ARHGAP32: variants seen among roughly 807,000 people sequenced by gnomAD.
ARHGAP32 encodes Rho GTPase activating protein 32.
A neutral mutation model predicts 186.5 loss-of-function variants in ARHGAP32; 51 were observed. That is an observed-to-expected ratio of 0.27 (90% confidence interval 0.22 to 0.35). ARHGAP32 has a LOEUF of 0.35. Ranked by LOEUF, ARHGAP32 falls within the 10% of genes least tolerant of loss-of-function variation. ARHGAP32 has a pLI of 1.00. For missense variants in ARHGAP32, 2,186 were observed against 2,623.5 expected (o/e 0.83, Z 3.64); for synonymous variants, 950 against 964.3 (o/e 0.99, Z 0.27).
At chr11:129,036,376 G>A (rs1448911623) in intron 11 of ARHGAP32, among the ~76,000 whole-genome samples, 39 of 69,356 alleles carry the variant, frequency 5.6e-4, no homozygotes, top group African/African-American at 1.9e-3. Flanking sequence ...GCGAAACTCC[G>A]TCTCAAAAAA....
intron 1 of ARHGAP32, among the ~76,000 whole-genome samples, chr11:129,168,574 T>C (rs1943686250): frequency 6.6e-6 from 1 of 152,252 alleles, no homozygotes. Flanking sequence ...ATCACCGTTG[T>C]AGATTTTAGC....
At chr11:129,119,546 T>G (rs970134516) in intron 5 of ARHGAP32, among the ~76,000 whole-genome samples, 1 of 152,102 alleles carries the variant, frequency 6.6e-6, no homozygotes, top group African/African-American at 2.4e-5. Context: ...ATTAAACAAA[T>G]ATTTATTGAG....
chr11:128,985,425 G>A (rs1945836431), intron 15 of ARHGAP32, among the ~76,000 whole-genome samples: 1 of 151,946 alleles, frequency 6.6e-6, no homozygotes, highest in African/African-American at 2.4e-5. Context: ...TTAATTTCTT[G>A]TCAGTAATTG....
intron 2 of ARHGAP32, among the ~76,000 whole-genome samples, chr11:129,129,117 C>T (rs1448224748): frequency 3.3e-5 from 5 of 151,866 alleles, no homozygotes; most frequent in South Asian, 2.1e-4. Context: ...TGCCCGGCCG[C>T]GACCCCGTCT....
chr11:129,177,781 C>T (rs1458082634), intron 1 of ARHGAP32, among the ~76,000 whole-genome samples: 1 of 152,138 alleles, frequency 6.6e-6, no homozygotes, highest in Non-Finnish European at 1.5e-5. Context: ...ATTGATGGGA[C>T]ATATCTCAAA....
chr11:129,135,938 C>T (rs1374597029), intron 2 of ARHGAP32, among the ~76,000 whole-genome samples: 3 of 152,096 alleles, frequency 2.0e-5, no homozygotes, highest in Non-Finnish European at 4.4e-5. Flanking sequence ...ACGGAAAAAA[C>T]AATTATTCCG....
At position 128,972,817 on chromosome 11, in the gene ARHGAP32, T is replaced by C; in HGVS notation, c.3689A>G (p.Tyr1230Cys). The stretch of plus-strand genomic sequence containing the variant: ...GAGTTTATCCACACTTGCACCAAGA[T>C]AAGAAGGAGGCTGATCTCCACTGTA... ...RFYSGDQPPS[Y>C]LGASVDKLHH... The change falls in exon 22 of 23, where the codon TAT becomes TGT. Residue 1230 changes from tyrosine (Y) to cysteine (C), a missense_variant. Around this residue, in one of 5 missense-constraint regions of ARHGAP32, gnomAD observed 1,502 missense variants for 1,570.0 expected, o/e 0.96. Coordinates refer to ENST00000682385, the MANE Select transcript of ARHGAP32 (RefSeq NM_001378024.1). 1 of 1,613,914 alleles carries C rather than the reference T, an allele frequency of 6.2e-7. No individual in the cohort carries two copies. The highest frequency in any genetic ancestry group is 1.6e-4 in the Middle Eastern group (1 of 6,062).
intron 2 of ARHGAP32, among the ~76,000 whole-genome samples, chr11:129,151,085 A>G (rs1943277250): frequency 6.6e-6 from 1 of 152,076 alleles, no homozygotes; most frequent in Non-Finnish European, 1.5e-5. Context: ...CAATTTTTAT[A>G]CCAGAAAAAA....
At chr11:129,191,863 C>T (rs2439796) in intron 1 of ARHGAP32, among the ~76,000 whole-genome samples, 133,028 of 152,148 alleles carry the variant, frequency 0.87, 58,329 homozygotes, top group African/African-American at 0.92. Context: ...CTCCTCCTGG[C>T]GTTCTAACAA....
chr11:129,137,530 G>A (rs1188628854), intron 2 of ARHGAP32, among the ~76,000 whole-genome samples: 1 of 151,906 alleles, frequency 6.6e-6, no homozygotes, highest in Non-Finnish European at 1.5e-5. Flanking sequence ...TATATTCCTA[G>A]TGGGATATGT....
At chr11:129,231,963 T>C (rs1005180054) in intron 1 of ARHGAP32, among the ~76,000 whole-genome samples, 1 of 132,736 alleles carries the variant, frequency 7.5e-6, no homozygotes, top group African/African-American at 2.8e-5. Flanking sequence ...AGGTTAAGGC[T>C]GCAGTGAAGT....
intron 1 of ARHGAP32, among the ~76,000 whole-genome samples, chr11:129,227,315 T>C (rs552280022): frequency 2.2e-4 from 34 of 151,564 alleles, no homozygotes; most frequent in Non-Finnish European, 4.0e-4. Context: ...CTGGAAAATA[T>C]CTAACAAAAA....
At chr11:129,008,550 C>T (rs758548530) in intron 11 of ARHGAP32, among the ~76,000 whole-genome samples, 1 of 152,152 alleles carries the variant, frequency 6.6e-6, no homozygotes, top group Non-Finnish European at 1.5e-5. Context: ...CTGGTTAGTC[C>T]ATGACTGACA....
At chr11:128,992,766 A>C (rs565017727) in intron 12 of ARHGAP32, among the ~76,000 whole-genome samples, 2 of 152,290 alleles carry the variant, frequency 1.3e-5, no homozygotes, top group South Asian at 4.1e-4. Flanking sequence ...CAGCCTGGGC[A>C]ACAAGAGCAA....
At chr11:129,221,863 CTTCT>C (rs1415005695) in intron 1 of ARHGAP32, among the ~76,000 whole-genome samples, 29 of 152,040 alleles carry the variant, frequency 1.9e-4, no homozygotes, top group African/African-American at 6.5e-4. Flanking sequence ...CTCCAACCCT[CTTCT>C]TTCTTTCTGC....
At chr11:129,112,078 A>G (rs536872726) in intron 5 of ARHGAP32, among the ~76,000 whole-genome samples, 65 of 152,240 alleles carry the variant, frequency 4.3e-4, no homozygotes, top group African/African-American at 1.5e-3. Context: ...CCCCGTCTCT[A>G]CTAAAAATAC....
intron 2 of ARHGAP32, chr11:129,125,769 G>A (rs189217601): frequency 1.8e-4 from 60 of 331,626 alleles, no homozygotes; most frequent in African/African-American, 1.1e-3. Context: ...TCATCACAGT[G>A]TGCTGGGTTC....
chr11:129,267,448 TAA>T (rs1257547663), intron 1 of ARHGAP32, among the ~76,000 whole-genome samples: 1 of 152,178 alleles, frequency 6.6e-6, no homozygotes, highest in Non-Finnish European at 1.5e-5. Context: ...TTTTATTTGA[TAA>T]AGTCAGCAAA....
chr11:129,245,566 A>T (rs1014613066), intron 1 of ARHGAP32, among the ~76,000 whole-genome samples: 9 of 150,476 alleles, frequency 6.0e-5, no homozygotes, highest in Non-Finnish European at 1.0e-4. Flanking sequence ...AACCTGCACA[A>T]TGTGCACATG....
Sources: gnomAD v4.1 joint callset for allele counts (sites outside exome capture counted in the v4.1 genomes callset) on GRCh38, gnomAD v4.1.1 for gene constraint, gnomAD v4.1.1 regional missense constraint, MANE v1.5 for transcripts, NCBI Gene and HGNC (gene_info 2026-07-23, HGNC 2026-07-21) for gene names.